The following ITGA1 variants were observed in gnomAD, a reference collection of about 807,000 sequenced individuals.
The protein encoded by ITGA1 is integrin alpha-1.
A neutral mutation model predicts 145.9 loss-of-function variants in ITGA1; 85 were observed. That is an observed-to-expected ratio of 0.58 (90% CI 0.49 to 0.70). ITGA1 has a LOEUF of 0.70. ITGA1 is among the 30% of genes least tolerant of loss of function. The pLI is 0.00. For synonymous variants in ITGA1, 520 were observed against 495.3 expected (o/e 1.05, Z -0.66); for missense variants, 1,351 against 1,418.7 (o/e 0.95, Z 0.77).
At chr5:52,902,068 A>G (rs1256738600) in intron 11 of ITGA1, 1 of 148,282 alleles carries the variant, frequency 6.7e-6, no homozygotes, top group Non-Finnish European at 1.5e-5. Flanking sequence ...GGGGTCACAA[A>G]TTGAGAAGAG....
chr5:52,876,655 G>A (rs1749872183), intron 6 of ITGA1, among the ~76,000 whole-genome samples: 1 of 152,106 alleles, frequency 6.6e-6, no homozygotes, highest in Admixed American at 6.5e-5. Flanking sequence ...AGGGTCAGCT[G>A]TGAGCAAAGC....
chr5:52,947,950 A>G (rs1751160326), intron 28 of ITGA1, among the ~76,000 whole-genome samples: 1 of 152,178 alleles, frequency 6.6e-6, no homozygotes, highest in Non-Finnish European at 1.5e-5. Flanking sequence ...GTTTAAATAT[A>G]TATGGCACAT....
intron 1 of ITGA1, among the ~76,000 whole-genome samples, chr5:52,847,078 T>C (rs1749349107): frequency 6.6e-6 from 1 of 152,118 alleles, no homozygotes; most frequent in Admixed American, 6.6e-5. Flanking sequence ...AATTTTCCAA[T>C]TTGGGGGGAA....
At chr5:52,827,595 A>G (rs1367540174) in intron 1 of ITGA1, among the ~76,000 whole-genome samples, 3 of 152,142 alleles carry the variant, frequency 2.0e-5, no homozygotes, top group Non-Finnish European at 2.9e-5. Context: ...ACAGAGAAAT[A>G]TTTTGTAAAA....
chr5:52,789,164 A>T (rs894861806), intron 1 of ITGA1, among the ~76,000 whole-genome samples: 1 of 152,172 alleles, frequency 6.6e-6, no homozygotes, highest in African/African-American at 2.4e-5. Flanking sequence ...AGCATTTTGT[A>T]AGATTTTCCC....
rs1188760615 is a variant in ITGA1 at position 52,881,856 on chromosome 5, G to A, written c.625-17G>A. 6.3e-7 allele frequency: 1 copy of A among 1,598,410 alleles called. No individual in the cohort carries two copies. Among genetic ancestry groups the A allele is most frequent in the South Asian group, 1.1e-5 (1 of 89,024 alleles). On this transcript the variant is annotated splice_polypyrimidine_tract_variant and intron_variant, in intron 6 of 28. Transcript: ENST00000282588. ...AATTTGGATTGACGTATAACTCACA[G>A]TGGCTTGGTATTTCAGGTTGGAATT...
rs191264182 is a variant in ITGA1 at position 52,872,905 on chromosome 5, G to A, written c.624+7088G>A. Among the ~76,000 whole-genome samples the A allele has an allele frequency of 9.1e-4, 138 of 152,186 alleles. 1 individual carries two copies. Among genetic ancestry groups the A allele is most frequent in the African/African-American group, 3.2e-3 (132 of 41,522 alleles). On this transcript the variant is annotated intron_variant, in intron 6 of 28. Coordinates refer to ENST00000282588, the MANE Select transcript of ITGA1 (RefSeq NM_181501.2). ...CTATGTTCCCATAGCAGCTGCAACC[G>A]TGAGAGCACATTTCCTTACTGCTCT...
At chr5:52,881,843 C>T (rs371165528) in intron 6 of ITGA1, 30 bp from the exon 7 acceptor site, 28 of 1,585,528 alleles carry the variant, frequency 1.8e-5, no homozygotes, top group African/African-American at 8.1e-5. Context: ...TTTGGATTGA[C>T]GTATAACTCA....
At chr5:52,797,828 T>C (rs536103047) in intron 1 of ITGA1, among the ~76,000 whole-genome samples, 4 of 152,322 alleles carry the variant, frequency 2.6e-5, no homozygotes, top group African/African-American at 9.6e-5. Context: ...AGGGGAGAAT[T>C]AGAGCATAGG....
chr5:52,938,903 T>A (rs917761579), intron 24 of ITGA1, among the ~76,000 whole-genome samples: 9 of 147,880 alleles, frequency 6.1e-5, no homozygotes, highest in Non-Finnish European at 1.4e-4. Flanking sequence ...TTTTTGTTGT[T>A]TTTGTTTCCT....
At chr5:52,947,988 G>A (rs1046521980) in intron 28 of ITGA1, among the ~76,000 whole-genome samples, 6 of 152,096 alleles carry the variant, frequency 3.9e-5, no homozygotes, top group African/African-American at 1.4e-4. Flanking sequence ...GTGCCTGAGT[G>A]GAGGATAAGG....
intron 1 of ITGA1, among the ~76,000 whole-genome samples, chr5:52,838,792 CAG>C (rs1456589080): frequency 6.6e-6 from 1 of 152,044 alleles, no homozygotes; most frequent in Non-Finnish European, 1.5e-5. Flanking sequence ...AATTATTTTC[CAG>C]TCTAAATAAT....
At chr5:52,913,199 T>G (rs1750594837) in intron 14 of ITGA1, among the ~76,000 whole-genome samples, 1 of 152,168 alleles carries the variant, frequency 6.6e-6, no homozygotes, top group Non-Finnish European at 1.5e-5. Flanking sequence ...ACATTTAGTG[T>G]GTCCCGTTCT....
At chr5:52,788,594 A>G (rs1348180505) in intron 1 of ITGA1, among the ~76,000 whole-genome samples, 180 bp downstream of exon 1, 1 of 152,216 alleles carries the variant, frequency 6.6e-6, no homozygotes, top group African/African-American at 2.4e-5. Context: ...TGGTTTTGAT[A>G]TGAATTAGTT....
chr5:52,817,055 C>T (rs1274465913), intron 1 of ITGA1, among the ~76,000 whole-genome samples: 3 of 152,194 alleles, frequency 2.0e-5, no homozygotes, highest in African/African-American at 4.8e-5. Context: ...TAAAACCATT[C>T]AAACTTGACA....
intron 1 of ITGA1, among the ~76,000 whole-genome samples, chr5:52,804,960 A>G (rs946370664): frequency 6.6e-6 from 1 of 152,086 alleles, no homozygotes; most frequent in African/African-American, 2.4e-5. Flanking sequence ...TAAGAGTAAT[A>G]TATTTAATTT....
chr5:52,789,078 T>A (rs1226573649), intron 1 of ITGA1, among the ~76,000 whole-genome samples: 2 of 152,238 alleles, frequency 1.3e-5, no homozygotes, highest in Non-Finnish European at 2.9e-5. Flanking sequence ...TACATAAATG[T>A]GTATTTTTAA....
chr5:52,874,207 G>A (rs1026053709), intron 6 of ITGA1, among the ~76,000 whole-genome samples: 1 of 152,236 alleles, frequency 6.6e-6, no homozygotes, highest in African/African-American at 2.4e-5. Flanking sequence ...AAGCAGCCAC[G>A]TGCAAAAAGA....
chr5:52,899,030 GA>G (rs545645793), intron 11 of ITGA1, among the ~76,000 whole-genome samples: 41 of 152,000 alleles, frequency 2.7e-4, no homozygotes, highest in Non-Finnish European at 4.1e-4. Flanking sequence ...TCCCCTCACT[GA>G]AAAAAGATAT....
Sources: gnomAD v4.1 joint callset for allele counts (sites outside exome capture counted in the v4.1 genomes callset) on GRCh38, gnomAD v4.1.1 for gene constraint, MANE v1.5 for transcripts, NCBI Gene and HGNC (gene_info 2026-07-23, HGNC 2026-07-21) for gene names.